Variants in LRRIQ3 observed in about 807,000 individuals in gnomAD.
The protein encoded by LRRIQ3 is leucine rich repeats and IQ motif containing 3, also known as leucine-rich repeat and IQ domain-containing protein 3.
Under a neutral mutation model 59.3 loss-of-function variants are expected in LRRIQ3, and 75 were observed. That is an observed-to-expected ratio of 1.26 (90% CI 1.05 to 1.53). The LOEUF (loss-of-function observed/expected upper bound fraction) is 1.53, where lower values mean the gene tolerates loss of function less well. LRRIQ3 is among the 40% of genes most tolerant of loss of function. LRRIQ3 has a pLI of 0.00. For missense variants in LRRIQ3, 831 were observed against 710.0 expected (o/e 1.17, Z -1.94); for synonymous variants, 250 against 231.3 (o/e 1.08, Z -0.73).
intron 7 of LRRIQ3, among the ~76,000 whole-genome samples, chr1:74,029,734 C>G (rs1162674254): frequency 6.6e-6 from 1 of 152,000 alleles, no homozygotes; most frequent in Non-Finnish European, 1.5e-5. Context: ...GGGAGGATTC[C>G]TTCTTTTTCT....
intron 3 of LRRIQ3, among the ~76,000 whole-genome samples, chr1:74,173,609 A>C (rs1430021827): frequency 6.6e-6 from 1 of 151,924 alleles, no homozygotes; most frequent in African/African-American, 2.4e-5. Flanking sequence ...ACACATGTAC[A>C]TTTCTGCACT....
chr1:74,139,980 A>G (rs1647203564), intron 4 of LRRIQ3, among the ~76,000 whole-genome samples: 2 of 152,038 alleles, frequency 1.3e-5, no homozygotes, highest in South Asian at 4.1e-4. Flanking sequence ...CAACAATAAA[A>G]ACTAAATTCC....
At chr1:74,154,466 T>C (rs1648201227) in intron 4 of LRRIQ3, among the ~76,000 whole-genome samples, 1 of 151,904 alleles carries the variant, frequency 6.6e-6, no homozygotes, top group Admixed American at 6.6e-5. Flanking sequence ...ATACAAATCA[T>C]CTTGTCTTGA....
chr1:74,085,057 T>C (rs1646311951), intron 5 of LRRIQ3, among the ~76,000 whole-genome samples: 1 of 151,812 alleles, frequency 6.6e-6, no homozygotes, highest in Admixed American at 6.6e-5. Context: ...ATGTATTTTC[T>C]TTCAATGATT....
intron 3 of LRRIQ3, among the ~76,000 whole-genome samples, chr1:74,169,578 T>A (rs917870907): frequency 1.2e-4 from 19 of 152,016 alleles, no homozygotes; most frequent in African/African-American, 3.9e-4. Context: ...AGAGACAGGG[T>A]CTTGCTCTGT....
At chr1:74,165,419 A>C (rs1189407369) in intron 3 of LRRIQ3, among the ~76,000 whole-genome samples, 1 of 151,578 alleles carries the variant, frequency 6.6e-6, no homozygotes, top group Non-Finnish European at 1.5e-5. Flanking sequence ...TAGAAATATA[A>C]TTTTTGTATG....
chr1:74,075,984 T>A (rs1159536438), intron 5 of LRRIQ3, among the ~76,000 whole-genome samples: 1 of 152,130 alleles, frequency 6.6e-6, no homozygotes, highest in Admixed American at 6.5e-5. Context: ...CTGTTTAATA[T>A]CTCATTGGCC....
intron 4 of LRRIQ3, among the ~76,000 whole-genome samples, chr1:74,152,835 C>T (rs1039779295): frequency 3.9e-5 from 6 of 151,990 alleles, no homozygotes; most frequent in South Asian, 4.1e-4. Context: ...GTGTTAATAC[C>T]GGAACCTGAT....
At chr1:74,183,402 T>A in intron 2 of LRRIQ3, 34 bp downstream of exon 2, 2 of 1,500,478 alleles carry the variant, frequency 1.3e-6, no homozygotes, top group Non-Finnish European at 1.8e-6. Context: ...GAAATTTCGT[T>A]TATATGCAAA....
chr1:74,167,757 T>A (rs1474090617), intron 3 of LRRIQ3, among the ~76,000 whole-genome samples: 1 of 151,750 alleles, frequency 6.6e-6, no homozygotes, highest in Non-Finnish European at 1.5e-5. Context: ...CAAAAACCTA[T>A]TCAAATGATA....
intron 4 of LRRIQ3, among the ~76,000 whole-genome samples, chr1:74,150,686 C>T (rs1329939791): frequency 6.6e-6 from 1 of 152,094 alleles, no homozygotes; most frequent in African/African-American, 2.4e-5. Flanking sequence ...ATCAGACAAT[C>T]AGAGTTAAAC....
chr1:74,133,717 G>C (rs1017993712), intron 4 of LRRIQ3, among the ~76,000 whole-genome samples: 1 of 151,524 alleles, frequency 6.6e-6, no homozygotes, highest in African/African-American at 2.4e-5. Context: ...GTCGTGGGGT[G>C]GGGGGAAGGG....
chr1:74,054,739 A>AATAT (rs143015235), intron 6 of LRRIQ3, among the ~76,000 whole-genome samples: 42,396 of 141,564 alleles, frequency 0.3, 7,168 homozygotes, highest in Middle Eastern at 0.46. Context: ...AGAAAACACA[A>AATAT]ATATATATAT....
intron 4 of LRRIQ3, among the ~76,000 whole-genome samples, chr1:74,126,299 C>A (rs886422763): frequency 2.6e-5 from 4 of 151,508 alleles, no homozygotes; most frequent in Non-Finnish European, 5.9e-5. Context: ...TTTTAACCAC[C>A]AATTTTTCAT....
chr1:74,061,260 A>G (rs890085005), intron 6 of LRRIQ3, among the ~76,000 whole-genome samples: 2 of 152,132 alleles, frequency 1.3e-5, no homozygotes, highest in African/African-American at 4.8e-5. Context: ...GAATTATAAA[A>G]CACTGCTCAA....
In LRRIQ3 at chr1:74,098,104, G is replaced by A. The variant is rs575188907; in HGVS notation, c.867+11290C>T. On this transcript the variant is annotated intron_variant, in intron 5 of 7. Transcript: ENST00000354431. ...CTAAATGCCCCAATTAAAAGACACA[G>A]ACTGGCAAATTGGATAAAGAGTCAA... 2.0e-5 allele frequency among the ~76,000 whole-genome samples: 3 copies of A among 152,246 alleles called. No individual in the cohort carries two copies. In the South Asian group the frequency reaches 6.2e-4, roughly 32 times the overall value.
intron 4 of LRRIQ3, among the ~76,000 whole-genome samples, chr1:74,126,532 A>C (rs1646938450): frequency 6.6e-6 from 1 of 151,698 alleles, no homozygotes; most frequent in South Asian, 2.1e-4. Context: ...GTATTTTATA[A>C]TATTTGGTAG....
intron 6 of LRRIQ3, among the ~76,000 whole-genome samples, chr1:74,071,593 G>C (rs757047783): frequency 2.3e-4 from 35 of 152,014 alleles, no homozygotes; most frequent in Non-Finnish European, 4.9e-4. Context: ...TCTTTTGATT[G>C]TATCCTTGAT....
At chr1:74,080,141 C>T (rs1001252452) in intron 5 of LRRIQ3, among the ~76,000 whole-genome samples, 1 of 151,438 alleles carries the variant, frequency 6.6e-6, no homozygotes, top group East Asian at 1.9e-4. Context: ...CATCTATCTA[C>T]CTGTTCTGTT....
Sources: gnomAD v4.1 joint callset for allele counts (sites outside exome capture counted in the v4.1 genomes callset) on GRCh38, gnomAD v4.1.1 for gene constraint, MANE v1.5 for transcripts, NCBI Gene and HGNC (gene_info 2026-07-23, HGNC 2026-07-21) for gene names.